Variants in SEMA6A observed in about 807,000 individuals in gnomAD.
The protein encoded by SEMA6A is semaphorin 6A, also known as semaphorin-6A.
A neutral mutation model predicts 96.8 loss-of-function variants in SEMA6A; 25 were observed. The ratio of observed to expected loss-of-function variants is 0.26; its 90% CI spans 0.19 to 0.36. The LOEUF (loss-of-function observed/expected upper bound fraction) is 0.36, where lower values mean the gene tolerates loss of function less well. Among genes scored for constraint, SEMA6A ranks in the 10% least tolerant of loss-of-function variants. The probability of loss-of-function intolerance (pLI) is 1.00; values close to 1 mark genes in which losing one functional copy is unlikely to be tolerated. For missense variants in SEMA6A, 1,363 were observed against 1,323.1 expected (o/e 1.03, Z -0.47); for synonymous variants, 612 against 518.0 (o/e 1.18, Z -2.46).
chr5:116,570,498 C>G (rs4920918), intron 1 of SEMA6A, among the ~76,000 whole-genome samples: 64,690 of 152,100 alleles, frequency 0.43, 16,449 homozygotes, highest in Middle Eastern at 0.61. Flanking sequence ...TTGTCTAAAC[C>G]TAAAGAAGGG....
intron 3 of SEMA6A, chr5:116,498,737 G>C (rs258015): frequency 0.72 from 109,900 of 152,088 alleles, 39,872 homozygotes; most frequent in East Asian, 0.88. Flanking sequence ...TTACTTGCTT[G>C]ACTTTATTGG....
rs1754126841 is a variant in SEMA6A, at chr5:116,445,570, C to A, written c.*1043G>T. On this transcript the variant is annotated 3_prime_UTR_variant, in exon 19 of 19. Transcript: ENST00000343348. ...TTCTAAAAGCTTTCTCTCCTGATTG[C>A]TTTAGAAATTAGGATCTGGAAGGAC... 1 of 152,494 alleles carries A rather than the reference C, an allele frequency of 6.6e-6. No homozygotes were observed. Among genetic ancestry groups the A allele is most frequent in the Middle Eastern group, 3.2e-3 (1 of 316 alleles). The allele number at this position is 152,494 out of a possible 1,614,324, so 9.4% of individuals were successfully genotyped here.
intron 11 of SEMA6A, among the ~76,000 whole-genome samples, chr5:116,481,591 A>G (rs1484740163): frequency 1.3e-5 from 2 of 152,170 alleles, no homozygotes; most frequent in East Asian, 1.9e-4. Context: ...AAACAAAAAA[A>G]TTAGTAAGAC....
At chr5:116,451,397 C>T (rs1029477544) in intron 18 of SEMA6A, among the ~76,000 whole-genome samples, 1 of 152,082 alleles carries the variant, frequency 6.6e-6, no homozygotes, top group Non-Finnish European at 1.5e-5. Context: ...GTCCAAACTT[C>T]GTGCCTTCTA....
At chr5:116,478,940 G>A (rs563597350) in intron 12 of SEMA6A, among the ~76,000 whole-genome samples, 1,536 of 151,556 alleles carry the variant, frequency 0.01, 9 homozygotes, top group Non-Finnish European at 0.015. Context: ...GTGTGTGTGT[G>A]TGTGTGTGTG....
At chr5:116,488,265 G>C in intron 8 of SEMA6A, 69 bp from the exon 9 acceptor site, 1 of 1,013,656 alleles carries the variant, frequency 9.9e-7, no homozygotes, top group Non-Finnish European at 1.5e-6. Flanking sequence ...ATCAAGTGTA[G>C]CCAAAGACAT....
At chr5:116,474,105 G>A (rs1459528294) in intron 16 of SEMA6A, among the ~76,000 whole-genome samples, 1 of 152,070 alleles carries the variant, frequency 6.6e-6, no homozygotes, top group Non-Finnish European at 1.5e-5. Context: ...TGGTATAGTG[G>A]ACATTTTATA....
intron 18 of SEMA6A, among the ~76,000 whole-genome samples, chr5:116,461,187 A>G (rs1385344893): frequency 6.6e-6 from 1 of 152,140 alleles, no homozygotes; most frequent in Non-Finnish European, 1.5e-5. Context: ...GAAATAAGTG[A>G]TCTCTAATTC....
intron 3 of SEMA6A, chr5:116,499,082 G>A (rs1757751077): frequency 1.3e-5 from 2 of 152,162 alleles, no homozygotes; most frequent in South Asian, 4.1e-4. Context: ...ATGGGACTTG[G>A]CTTGCGATTG....
At chr5:116,468,910 T>G (rs1755932805) in intron 17 of SEMA6A, 1 of 152,042 alleles carries the variant, frequency 6.6e-6, no homozygotes, top group South Asian at 2.1e-4. Flanking sequence ...AATAAAATAT[T>G]GGCCTCTAGA....
Position 116,447,674 on chromosome 5 carries a change from G to A in SEMA6A, c.2032C>T (p.Arg678Cys), listed in dbSNP as rs750386162. Residue 678 changes from arginine to cysteine, a missense_variant, in exon 19 of 19, where the codon CGC becomes TGC. By Grantham distance (180) the Arg-to-Cys change is radical. Coordinates refer to ENST00000343348, the MANE Select transcript of SEMA6A (RefSeq NM_020796.5). ...ITVYCVCDHRRKDVAVVQRKE... is the reference protein window; with the variant it reads ...ITVYCVCDHRCKDVAVVQRKE... Reference sequence around the variant, plus strand: ...CGCTGCACCACAGCCACGTCTTTGCGCCGATGATCACAGACGCAGTAGACG... The same window carrying A: ...CGCTGCACCACAGCCACGTCTTTGCACCGATGATCACAGACGCAGTAGACG... The A allele has an allele frequency of 7.4e-6, 12 of 1,614,018 alleles. 1 individual carries two copies. The highest frequency in any genetic ancestry group is 6.7e-5 in the East Asian group (3 of 44,880).
At chr5:116,532,547 C>T (rs185876737) in intron 1 of SEMA6A, among the ~76,000 whole-genome samples, 1 of 152,038 alleles carries the variant, frequency 6.6e-6, no homozygotes, top group Non-Finnish European at 1.5e-5. Flanking sequence ...CTGATCCCTC[C>T]CCCCCAGTCC....
At chr5:116,470,130 C>T (rs909888913) in intron 17 of SEMA6A, among the ~76,000 whole-genome samples, 1 of 152,028 alleles carries the variant, frequency 6.6e-6, no homozygotes, top group Admixed American at 6.6e-5. Flanking sequence ...TAGAACCACC[C>T]TGTAAAAGCA....
At chr5:116,474,096 G>C (rs1350354431) in intron 16 of SEMA6A, among the ~76,000 whole-genome samples, 2 of 152,172 alleles carry the variant, frequency 1.3e-5, no homozygotes, top group Non-Finnish European at 2.9e-5. Flanking sequence ...TGAGCCTACT[G>C]GTATAGTGGA....
chr5:116,449,595 A>C, intron 18 of SEMA6A: 3 of 479,342 alleles, frequency 6.3e-6, no homozygotes, highest in Non-Finnish European at 7.4e-6. Flanking sequence ...CCTTAGCCTG[A>C]AAAGTACATT....
chr5:116,499,955 A>G (rs1757794486), intron 3 of SEMA6A, among the ~76,000 whole-genome samples: 1 of 152,066 alleles, frequency 6.6e-6, no homozygotes, highest in African/African-American at 2.4e-5. Context: ...TCCCCCGGAA[A>G]CTCAACTGGA....
At chr5:116,481,663 A>G (rs927476552) in intron 11 of SEMA6A, among the ~76,000 whole-genome samples, 9 of 152,146 alleles carry the variant, frequency 5.9e-5, no homozygotes, top group African/African-American at 1.9e-4. Flanking sequence ...GGTTGTTTCT[A>G]TGAAACTTGG....
intron 11 of SEMA6A, among the ~76,000 whole-genome samples, chr5:116,482,018 G>A (rs1418715168): frequency 2.0e-5 from 3 of 152,022 alleles, no homozygotes; most frequent in Non-Finnish European, 4.4e-5. Context: ...TCACAAATCC[G>A]GAAAACACTA....
Position 116,477,872 on chromosome 5 carries a change from G to A in SEMA6A, c.1623C>T (p.Ala541=), listed in dbSNP as rs775178981. 1 of 1,613,822 alleles carries A rather than the reference G, an allele frequency of 6.2e-7. No homozygotes were observed. Among genetic ancestry groups the A allele is most frequent in the African/African-American group, 1.3e-5 (1 of 74,918 alleles). ...TGCTGTTGGGTGATAAATGGCTGCAGGCACCACCTTCCTTTATCCATCCAC... is the reference window on the plus strand; with the variant it reads ...TGCTGTTGGGTGATAAATGGCTGCAAGCACCACCTTCCTTTATCCATCCAC... The part of the protein sequence containing the change: ...PYCGWIKEGG[A]CSHLSPNSRL... The change falls in exon 15 of 19, where the codon GCC becomes GCT. Residue 541 remains alanine (A), a synonymous_variant. Coordinates refer to ENST00000343348, the MANE Select transcript of SEMA6A (RefSeq NM_020796.5).
Sources: allele counts gnomAD v4.1 joint callset (sites outside exome capture counted in the v4.1 genomes callset), GRCh38; gene constraint gnomAD v4.1.1; transcripts MANE v1.5; gene names NCBI Gene and HGNC (gene_info 2026-07-23, HGNC 2026-07-21).